CTNNA2: variants seen among roughly 807,000 people sequenced by gnomAD.
The protein encoded by CTNNA2 is catenin alpha 2.
CTNNA2 carries 42 observed loss-of-function variants against 101.0 expected under a neutral mutation model. The observed-to-expected ratio is 0.42, with a 90% CI of 0.32 to 0.54. The LOEUF is 0.54. CTNNA2 is among the 20% of genes least tolerant of loss of function. The probability of loss-of-function intolerance (pLI) is 0.14; values close to 1 mark genes in which losing one functional copy is unlikely to be tolerated. For synonymous variants in CTNNA2, 450 were observed against 456.4 expected, an observed-to-expected ratio of 0.99 and a Z score of 0.18; for missense variants, 871 against 1,223.1, an observed-to-expected ratio of 0.71 and a Z score of 4.29.
At chr2:79,462,657 A>T (rs1306446670) in intron 4 of CTNNA2, among the ~76,000 whole-genome samples, 1 of 152,206 alleles carries the variant, frequency 6.6e-6, no homozygotes, top group Non-Finnish European at 1.5e-5. Flanking sequence ...TGCTGCAGAT[A>T]GATAATTATT....
intron 9 of CTNNA2, among the ~76,000 whole-genome samples, chr2:80,472,918 C>T (rs1685423283): frequency 6.6e-6 from 1 of 152,118 alleles, no homozygotes; most frequent in African/African-American, 2.4e-5. Flanking sequence ...ATGAGGTCTG[C>T]CTCGCCCCAT....
chr2:79,456,361 T>C (rs1670820646), intron 4 of CTNNA2, among the ~76,000 whole-genome samples: 1 of 152,046 alleles, frequency 6.6e-6, no homozygotes, highest in Admixed American at 6.5e-5. Context: ...GGCAGTTAAT[T>C]CTGAATCCTT....
At chr2:79,836,314 G>T (rs978944522) in intron 3 of CTNNA2, among the ~76,000 whole-genome samples, 13 of 152,158 alleles carry the variant, frequency 8.5e-5, no homozygotes, top group African/African-American at 3.1e-4. Flanking sequence ...CTTTTACTTT[G>T]AGTGTGAATT....
intron 7 of CTNNA2, among the ~76,000 whole-genome samples, chr2:80,052,687 A>AGTTAC (rs1696953146): frequency 6.6e-6 from 1 of 152,222 alleles, no homozygotes; most frequent in African/African-American, 2.4e-5. Flanking sequence ...GAAGTAGTGT[A>AGTTAC]ACTATGAATT....
chr2:80,533,731 A>T (rs1690742858), intron 9 of CTNNA2, among the ~76,000 whole-genome samples: 1 of 152,164 alleles, frequency 6.6e-6, no homozygotes. Context: ...ATTTACTTAC[A>T]TGAGATGCTG....
chr2:79,946,692 G>C (rs1688514242), intron 7 of CTNNA2, among the ~76,000 whole-genome samples: 1 of 152,176 alleles, frequency 6.6e-6, no homozygotes, highest in South Asian at 2.1e-4. Flanking sequence ...GTCAGGCACT[G>C]TGTTCTGAGC....
At chr2:80,189,399 A>T (rs1376364230) in intron 7 of CTNNA2, among the ~76,000 whole-genome samples, 3 of 152,246 alleles carry the variant, frequency 2.0e-5, no homozygotes, top group African/African-American at 7.2e-5. Context: ...TAGCTGAGCT[A>T]GCCACAAGAG....
chr2:79,758,475 G>A (rs1336286736), intron 3 of CTNNA2, among the ~76,000 whole-genome samples: 1 of 152,126 alleles, frequency 6.6e-6, no homozygotes, highest in African/African-American at 2.4e-5. Flanking sequence ...TTTGGGGAGT[G>A]CCTTCACAGG....
chr2:79,526,874 A>T (rs757082075), intron 1 of CTNNA2, among the ~76,000 whole-genome samples: 1 of 152,176 alleles, frequency 6.6e-6, no homozygotes, highest in Non-Finnish European at 1.5e-5. Flanking sequence ...AGAGCTAACT[A>T]TGAAACTCTT....
intron 15 of CTNNA2, among the ~76,000 whole-genome samples, chr2:80,594,643 G>A (rs1312966062): frequency 1.3e-5 from 2 of 151,652 alleles, no homozygotes; most frequent in Non-Finnish European, 2.9e-5. Flanking sequence ...TAGTTCTTAT[G>A]GTTAGGTCTT....
chr2:79,854,316 A>G (rs1680962996), intron 3 of CTNNA2, among the ~76,000 whole-genome samples: 1 of 152,260 alleles, frequency 6.6e-6, no homozygotes. Context: ...AGTGGTATTA[A>G]TGAATAATGA....
chr2:79,401,203 C>T (rs974822689), intron 4 of CTNNA2, among the ~76,000 whole-genome samples: 3 of 151,384 alleles, frequency 2.0e-5, no homozygotes, highest in Admixed American at 6.6e-5. Flanking sequence ...TATTTCATAC[C>T]GTACATATGC....
At chr2:79,578,017 G>T (rs1477164409) in intron 1 of CTNNA2, among the ~76,000 whole-genome samples, 5 of 151,654 alleles carry the variant, frequency 3.3e-5, no homozygotes, top group Non-Finnish European at 7.4e-5. Flanking sequence ...CCTTCAATAA[G>T]GAATAATCAC....
intron 15 of CTNNA2, 150 bp from the exon 16 acceptor site, chr2:80,603,924 T>A: frequency 1.8e-6 from 1 of 561,174 alleles, no homozygotes; most frequent in Non-Finnish European, 3.1e-6. Flanking sequence ...ATATAGAAAC[T>A]GGAGTTAAGC....
chr2:80,079,488 C>A (rs1297875269), intron 7 of CTNNA2, among the ~76,000 whole-genome samples: 1 of 152,108 alleles, frequency 6.6e-6, no homozygotes, highest in Non-Finnish European at 1.5e-5. Context: ...GATAGCCCTG[C>A]CTCTAGGAGC....
intron 7 of CTNNA2, among the ~76,000 whole-genome samples, chr2:80,172,003 G>T (rs13405718): frequency 6.6e-6 from 1 of 152,124 alleles, no homozygotes; most frequent in African/African-American, 2.4e-5. Flanking sequence ...AAGCAAAGAG[G>T]AAGTATTATG....
At chr2:79,615,826 G>A (rs1317648224) in intron 1 of CTNNA2, among the ~76,000 whole-genome samples, 1 of 152,184 alleles carries the variant, frequency 6.6e-6, no homozygotes, top group African/African-American at 2.4e-5. Flanking sequence ...TGAAGTGTGT[G>A]TTTGTATGTG....
At chr2:79,979,279 C>T (rs761611710) in intron 7 of CTNNA2, among the ~76,000 whole-genome samples, 5 of 152,012 alleles carry the variant, frequency 3.3e-5, no homozygotes, top group Non-Finnish European at 5.9e-5. Context: ...GCTACTCATG[C>T]GGCTGAGGTG....
At chr2:80,183,992 C>T (rs1180646692) in intron 7 of CTNNA2, among the ~76,000 whole-genome samples, 5 of 151,556 alleles carry the variant, frequency 3.3e-5, no homozygotes, top group Non-Finnish European at 5.9e-5. Flanking sequence ...GTTTTTTGAA[C>T]AACTAAAAGT....
Sources: allele counts gnomAD v4.1 joint callset (sites outside exome capture counted in the v4.1 genomes callset), GRCh38; gene constraint gnomAD v4.1.1; transcripts MANE v1.5; gene names NCBI Gene and HGNC (gene_info 2026-07-23, HGNC 2026-07-21).